Variants in TAFA2 observed in about 807,000 individuals in gnomAD.
TAFA2 encodes the protein TAFA chemokine like family member 2, also known as chemokine-like protein TAFA-2.
Under a neutral mutation model 18.8 loss-of-function variants are expected in TAFA2, and 7 were observed. The observed-to-expected ratio is 0.37, with a 90% CI of 0.21 to 0.70. The LOEUF (loss-of-function observed/expected upper bound fraction) is 0.70, where lower values mean the gene tolerates loss of function less well. Ranked by LOEUF, TAFA2 falls within the 30% of genes least tolerant of loss-of-function variation. The pLI is 0.53. For synonymous variants in TAFA2, 60 were observed against 54.2 expected (o/e 1.11, Z -0.47); for missense variants, 122 against 158.1 (o/e 0.77, Z 1.23).
At chr12:61,976,171 A>G (rs74994534) in intron 1 of TAFA2, among the ~76,000 whole-genome samples, 1 of 152,006 alleles carries the variant, frequency 6.6e-6, no homozygotes, top group African/African-American at 2.4e-5. Flanking sequence ...TCATTAATAG[A>G]TGAAAAATCA....
chr12:62,152,984 A>G (rs2062339480), intron 1 of TAFA2, among the ~76,000 whole-genome samples: 1 of 152,224 alleles, frequency 6.6e-6, no homozygotes, highest in South Asian at 2.1e-4. Flanking sequence ...CATGATGGAA[A>G]GGATCTATTA....
At chr12:61,850,097 T>A (rs988717845) in intron 2 of TAFA2, among the ~76,000 whole-genome samples, 1 of 152,098 alleles carries the variant, frequency 6.6e-6, no homozygotes, top group Non-Finnish European at 1.5e-5. Flanking sequence ...TGAAAAAATC[T>A]TACTCTGTAT....
chr12:62,204,773 C>T (rs2062684857), intron 1 of TAFA2, among the ~76,000 whole-genome samples: 1 of 152,130 alleles, frequency 6.6e-6, no homozygotes. Flanking sequence ...TTAGAACATG[C>T]TCCTTTAGCT....
At chr12:61,867,133 G>C (rs573711979) in intron 2 of TAFA2, among the ~76,000 whole-genome samples, 187 bp downstream of exon 2, 1 of 151,974 alleles carries the variant, frequency 6.6e-6, no homozygotes, top group East Asian at 1.9e-4. Context: ...CATTAGTCCT[G>C]AAAATATCAT....
At chr12:62,051,901 C>A (rs932348713) in intron 1 of TAFA2, among the ~76,000 whole-genome samples, 2 of 152,096 alleles carry the variant, frequency 1.3e-5, no homozygotes, top group African/African-American at 4.8e-5. Context: ...AAATATTTTA[C>A]ACTTTGTAGT....
At chr12:62,189,160 T>A (rs1225152947) in intron 1 of TAFA2, among the ~76,000 whole-genome samples, 1 of 151,714 alleles carries the variant, frequency 6.6e-6, no homozygotes, top group Non-Finnish European at 1.5e-5. Context: ...CTAAATTTTT[T>A]AAAGGCAAGA....
At chr12:61,742,771 T>C (rs897269284) in intron 4 of TAFA2, among the ~76,000 whole-genome samples, 7 of 152,108 alleles carry the variant, frequency 4.6e-5, no homozygotes, top group African/African-American at 1.4e-4. Context: ...GCAAGAAATA[T>C]GTAAGAAGTA....
At chr12:62,110,182 C>T (rs1869659178) in intron 1 of TAFA2, among the ~76,000 whole-genome samples, 1 of 152,134 alleles carries the variant, frequency 6.6e-6, no homozygotes, top group African/African-American at 2.4e-5. Context: ...GAGTTTTTAG[C>T]ATGAAGGGAT....
intron 1 of TAFA2, among the ~76,000 whole-genome samples, chr12:61,953,807 C>T (rs558346706): frequency 1.6e-4 from 25 of 152,130 alleles, no homozygotes; most frequent in Admixed American, 1.6e-3. Flanking sequence ...ACACAGAGAA[C>T]TGAGCAAAGT....
At chr12:61,864,104 C>T (rs977269118) in intron 2 of TAFA2, among the ~76,000 whole-genome samples, 4 of 152,142 alleles carry the variant, frequency 2.6e-5, no homozygotes, top group Non-Finnish European at 5.9e-5. Flanking sequence ...GACTTGGCTC[C>T]GCTTCCAAAA....
intron 1 of TAFA2, among the ~76,000 whole-genome samples, chr12:62,214,435 C>T (rs1013660138): frequency 1.3e-5 from 2 of 152,132 alleles, no homozygotes; most frequent in Non-Finnish European, 2.9e-5. Flanking sequence ...TGTGAGGCCT[C>T]CCCAGCCATG....
intron 1 of TAFA2, among the ~76,000 whole-genome samples, chr12:62,031,797 T>C (rs1214276843): frequency 1.3e-5 from 2 of 152,182 alleles, no homozygotes; most frequent in Non-Finnish European, 2.9e-5. Context: ...ATATATATGT[T>C]GTAACATCTG....
chr12:61,835,919 G>A (rs1872900636), intron 2 of TAFA2, among the ~76,000 whole-genome samples: 1 of 151,870 alleles, frequency 6.6e-6, no homozygotes, highest in Non-Finnish European at 1.5e-5. Context: ...CTTCAGTTCA[G>A]CAGGGGATAT....
At chr12:62,066,706 C>T (rs1411548660) in intron 1 of TAFA2, among the ~76,000 whole-genome samples, 1 of 151,978 alleles carries the variant, frequency 6.6e-6, no homozygotes, top group Non-Finnish European at 1.5e-5. Context: ...TTTCTTTATC[C>T]ATTCATCTAT....
intron 4 of TAFA2, among the ~76,000 whole-genome samples, chr12:61,716,901 C>T (rs903332871): frequency 6.6e-6 from 1 of 152,166 alleles, no homozygotes; most frequent in Non-Finnish European, 1.5e-5. Flanking sequence ...TGCTTAATAA[C>T]ATCACAAATA....
intron 1 of TAFA2, among the ~76,000 whole-genome samples, chr12:61,992,553 T>C (rs1592535265): frequency 6.6e-6 from 1 of 152,150 alleles, no homozygotes; most frequent in South Asian, 2.1e-4. Context: ...GCCTTTGATA[T>C]AAGTCAAACT....
chr12:61,864,264 T>C (rs1215695370), intron 2 of TAFA2, among the ~76,000 whole-genome samples: 1 of 151,496 alleles, frequency 6.6e-6, no homozygotes, highest in Non-Finnish European at 1.5e-5. Flanking sequence ...ATAAATAAAT[T>C]ACCATGAGTG....
At chr12:61,957,665 T>G (rs1458357305) in intron 1 of TAFA2, among the ~76,000 whole-genome samples, 1 of 152,050 alleles carries the variant, frequency 6.6e-6, no homozygotes, top group Admixed American at 6.6e-5. Context: ...CAGAGGAGCC[T>G]GATGAAAGTT....
intron 1 of TAFA2, among the ~76,000 whole-genome samples, chr12:62,221,615 G>A (rs2062763280): frequency 6.6e-6 from 1 of 152,060 alleles, no homozygotes; most frequent in South Asian, 2.1e-4. Context: ...TTAGCAAATG[G>A]GTGTGGGATA....
Sources: gnomAD v4.1 joint callset for allele counts (sites outside exome capture counted in the v4.1 genomes callset) on GRCh38, gnomAD v4.1.1 for gene constraint, MANE v1.5 for transcripts, NCBI Gene and HGNC (gene_info 2026-07-23, HGNC 2026-07-21) for gene names.